The following RIMS1 variants were observed in gnomAD, a reference collection of about 807,000 sequenced individuals.
RIMS1 encodes regulating synaptic membrane exocytosis protein 1.
In RIMS1, 83 loss-of-function variants were observed where a neutral mutation model predicts 214.1. That is an observed-to-expected ratio of 0.39 (90% CI 0.32 to 0.47). RIMS1 has a LOEUF of 0.47. Among genes scored for constraint, RIMS1 ranks in the 20% least tolerant of loss-of-function variants. The pLI, the probability that RIMS1 is intolerant of heterozygous loss-of-function variation, is 0.99. For missense variants in RIMS1, 2,050 were observed against 2,161.8 expected, an observed-to-expected ratio of 0.95 and a Z score of 1.03; for synonymous variants, 793 against 786.8, an observed-to-expected ratio of 1.01 and a Z score of -0.13.
At chr6:72,258,421 TTTA>T in intron 17 of RIMS1, 140 bp downstream of exon 17, 2 of 884,006 alleles carry the variant, frequency 2.3e-6, no homozygotes, top group Non-Finnish European at 3.3e-6. Context: ...CAAAATTTTT[TTTA>T]TTCTTTATCC....
intron 2 of RIMS1, among the ~76,000 whole-genome samples, chr6:72,070,099 A>G (rs1323423439): frequency 6.6e-6 from 1 of 152,180 alleles, no homozygotes; most frequent in Non-Finnish European, 1.5e-5. Flanking sequence ...TATTTAATTA[A>G]CATACTTGAA....
chr6:71,992,404 C>CTCTTTCTTTCTT (rs70994109), intron 2 of RIMS1, among the ~76,000 whole-genome samples: 6,362 of 109,966 alleles, frequency 0.058, 186 homozygotes, highest in East Asian at 0.13. Flanking sequence ...TTCTCTCTCT[C>CTCTTTCTTTCTT]TCTTTCTTTC....
chr6:72,313,819 T>C (rs567243620), intron 28 of RIMS1, 147 bp downstream of exon 28: 1 of 785,230 alleles, frequency 1.3e-6, no homozygotes, highest in East Asian at 2.7e-5. Flanking sequence ...GCCAACAGAA[T>C]GTTTAGTATT....
chr6:72,057,759 G>A (rs528987721), intron 2 of RIMS1, among the ~76,000 whole-genome samples: 6 of 152,112 alleles, frequency 3.9e-5, no homozygotes, highest in African/African-American at 7.2e-5. Flanking sequence ...TGCCCGTCTC[G>A]GCCTCCCAAA....
rs150677700 is a variant in RIMS1, at chr6:72,298,437, C to T, written c.3850+6391C>T. Among the ~76,000 whole-genome samples the T allele has an allele frequency of 4.1e-3, 618 of 151,992 alleles. 11 individuals are homozygous for T. Among genetic ancestry groups the T allele is most frequent in the Admixed American group, 0.018 (273 of 15,208 alleles). On this transcript the variant is annotated intron_variant, in intron 26 of 33. Transcript: ENST00000521978. ...ATTTTGTAAATGATAGAATAGGAAA[C>T]GAGACACAGATCCCCCTCCAGGGAA... is the stretch of plus-strand genomic sequence containing the variant.
In RIMS1 at chr6:72,031,837, CTG is replaced by C. The variant is rs1230074403; in HGVS notation, c.245+62778_245+62779del. On this transcript the variant is annotated intron_variant, in intron 2 of 33. Coordinates refer to ENST00000521978, the MANE Select transcript of RIMS1 (RefSeq NM_014989.7). ...TTTATTAGATGCATAGCAATATACT[CTG>C]TGTTATTAAGGGTGAGAAAAAGCAG... is the stretch of plus-strand genomic sequence containing the variant. Among the ~76,000 whole-genome samples, 4 of 152,038 alleles carry C rather than the reference CTG, an allele frequency of 2.6e-5. No individual in the cohort carries two copies. In the East Asian group the frequency reaches 7.7e-4, roughly 29 times the overall value.
chr6:72,034,769 A>G (rs1333756762), intron 2 of RIMS1, among the ~76,000 whole-genome samples: 4 of 152,136 alleles, frequency 2.6e-5, no homozygotes, highest in African/African-American at 9.7e-5. Flanking sequence ...AGTTAGGTTA[A>G]TAAACTGAGA....
chr6:72,048,646 G>C (rs965901343), intron 2 of RIMS1, among the ~76,000 whole-genome samples: 1 of 152,176 alleles, frequency 6.6e-6, no homozygotes, highest in Non-Finnish European at 1.5e-5. Flanking sequence ...TCCATCAAGA[G>C]CCTGCTAGGA....
At chr6:71,970,155 T>C (rs1795496784) in intron 2 of RIMS1, among the ~76,000 whole-genome samples, 1 of 152,214 alleles carries the variant, frequency 6.6e-6, no homozygotes, top group Non-Finnish European at 1.5e-5. Context: ...ATTTAATCAG[T>C]ATTTTCCAAG....
intron 4 of RIMS1, among the ~76,000 whole-genome samples, chr6:72,118,921 G>A (rs1403049809): frequency 6.6e-6 from 1 of 151,552 alleles, no homozygotes; most frequent in Non-Finnish European, 1.5e-5. Context: ...AACAAGACAA[G>A]GATACCCACT....
intron 26 of RIMS1, among the ~76,000 whole-genome samples, chr6:72,297,366 A>G (rs1309078102): frequency 1.3e-5 from 2 of 152,044 alleles, no homozygotes; most frequent in African/African-American, 2.4e-5. Context: ...TATTAGATTC[A>G]TATTAGAAAT....
In RIMS1 at chr6:72,008,173, A is replaced by G. The variant is rs912432533; in HGVS notation, c.245+39110A>G. On this transcript the variant is annotated intron_variant, in intron 2 of 33. Transcript: ENST00000521978. ...AAGAGAGTGGGGACCAATATTCAAC[A>G]TTCTTAAAGAAAAGAATTTTCAAGC... Among the ~76,000 whole-genome samples the G allele has an allele frequency of 1.3e-5, 2 of 152,354 alleles. 1 individual carries two copies. Among genetic ancestry groups the G allele is most frequent in the South Asian group, 4.1e-4 (2 of 4,828 alleles).
At chr6:72,200,818 G>C (rs2051829073) in intron 6 of RIMS1, among the ~76,000 whole-genome samples, 2 of 151,528 alleles carry the variant, frequency 1.3e-5, no homozygotes, top group East Asian at 1.9e-4. Context: ...TTAATCATCT[G>C]TGCAATTTAA....
intron 6 of RIMS1, among the ~76,000 whole-genome samples, chr6:72,220,517 A>G (rs2058034302): frequency 6.6e-6 from 1 of 152,034 alleles, no homozygotes; most frequent in Non-Finnish European, 1.5e-5. Flanking sequence ...TGCCTACACA[A>G]AGGTACACCA....
intron 4 of RIMS1, among the ~76,000 whole-genome samples, chr6:72,123,187 G>A (rs1171018672): frequency 1.3e-5 from 2 of 151,758 alleles, no homozygotes; most frequent in African/African-American, 4.8e-5. Context: ...GTTCTCGTTG[G>A]TTTCAAAGAA....
chr6:72,248,930 C>T (rs1057341314), intron 12 of RIMS1, among the ~76,000 whole-genome samples: 7 of 152,112 alleles, frequency 4.6e-5, no homozygotes, highest in Admixed American at 3.3e-4. Context: ...GTTTATCTGC[C>T]GGCCATCTTT....
chr6:71,889,018 C>T (rs1342001397), intron 1 of RIMS1, among the ~76,000 whole-genome samples: 2 of 152,190 alleles, frequency 1.3e-5, no homozygotes, highest in East Asian at 1.9e-4. Context: ...GTTACAGCCC[C>T]TGCCACCTGT....
intron 28 of RIMS1, chr6:72,317,293 C>T (rs181149319): frequency 4.2e-5 from 12 of 287,582 alleles, no homozygotes; most frequent in Non-Finnish European, 6.8e-5. Context: ...CCAGTTCTGC[C>T]AGCACCTGCA....
At chr6:72,378,697 G>A (rs918484778) in intron 29 of RIMS1, among the ~76,000 whole-genome samples, 1 of 152,158 alleles carries the variant, frequency 6.6e-6, no homozygotes, top group Non-Finnish European at 1.5e-5. Context: ...TAATTAGCCA[G>A]GCGTGGTGGC....
Sources: gnomAD v4.1 joint callset for allele counts (sites outside exome capture counted in the v4.1 genomes callset) on GRCh38, gnomAD v4.1.1 for gene constraint, MANE v1.5 for transcripts, NCBI Gene and HGNC (gene_info 2026-07-23, HGNC 2026-07-21) for gene names.